RNF150: variants seen among roughly 807,000 people sequenced by gnomAD.
RNF150 encodes ring finger protein 150.
A neutral mutation model predicts 39.3 loss-of-function variants in RNF150; 24 were observed. The observed-to-expected ratio is 0.61, with a 90% confidence interval of 0.44 to 0.86. RNF150 has a LOEUF of 0.86. RNF150 is among the 40% of genes least tolerant of loss of function. The pLI, the probability that RNF150 is intolerant of heterozygous loss-of-function variation, is 0.00. For missense variants in RNF150, 502 were observed against 587.8 expected (o/e 0.85, Z 1.51); for synonymous variants, 255 against 227.3 (o/e 1.12, Z -1.10).
At chr4:140,960,991 G>A (rs1051720845) in intron 2 of RNF150, among the ~76,000 whole-genome samples, 3 of 152,098 alleles carry the variant, frequency 2.0e-5, no homozygotes, top group African/African-American at 7.2e-5. Flanking sequence ...ATAGAAAGGT[G>A]AAGTAACTTG....
At chr4:141,080,405 C>T (rs546854190) in intron 1 of RNF150, among the ~76,000 whole-genome samples, 1 of 152,354 alleles carries the variant, frequency 6.6e-6, no homozygotes, top group South Asian at 2.1e-4. Context: ...GTCACTGTGT[C>T]TTCCTCACCC....
chr4:141,153,358 C>T (rs557416380), intron 1 of RNF150, among the ~76,000 whole-genome samples: 46 of 152,192 alleles, frequency 3.0e-4, no homozygotes, highest in South Asian at 2.1e-3. Flanking sequence ...AATCCAGTTT[C>T]GCTGATGTCC....
intron 6 of RNF150, among the ~76,000 whole-genome samples, chr4:140,885,771 T>A: frequency 6.6e-6 from 1 of 151,826 alleles, no homozygotes. Context: ...CCCAGCCAAT[T>A]TTTATACTTT....
At chr4:140,921,200 A>C (rs1560968049) in intron 5 of RNF150, among the ~76,000 whole-genome samples, 2 of 150,712 alleles carry the variant, frequency 1.3e-5, no homozygotes, top group African/African-American at 4.9e-5. Context: ...AATAATAATA[A>C]TATAATTGAT....
chr4:141,120,695 T>C (rs1244202854), intron 1 of RNF150, among the ~76,000 whole-genome samples: 1 of 151,956 alleles, frequency 6.6e-6, no homozygotes, highest in East Asian at 1.9e-4. Flanking sequence ...CAAGAAGACA[T>C]GATGGGCTGG....
At chr4:141,149,386 C>T (rs1032033511) in intron 1 of RNF150, among the ~76,000 whole-genome samples, 5 of 151,884 alleles carry the variant, frequency 3.3e-5, no homozygotes, top group African/African-American at 1.2e-4. Context: ...CTCTTGCCCC[C>T]CTCCCACTCT....
intron 1 of RNF150, among the ~76,000 whole-genome samples, chr4:141,124,699 C>T (rs746954237): frequency 1.3e-5 from 2 of 152,042 alleles, no homozygotes; most frequent in Non-Finnish European, 2.9e-5. Context: ...TTTGCATTTT[C>T]AATAGTGTGT....
intron 2 of RNF150, among the ~76,000 whole-genome samples, chr4:140,955,123 T>C (rs572899280): frequency 4.2e-4 from 64 of 152,350 alleles, no homozygotes; most frequent in South Asian, 8.3e-4. Flanking sequence ...TCGTGCACTC[T>C]AATACATAAT....
At chr4:141,012,781 C>CAAAAAAAAA (rs397995597) in intron 1 of RNF150, among the ~76,000 whole-genome samples, 19,174 of 70,686 alleles carry the variant, frequency 0.27, 4,407 homozygotes, top group East Asian at 0.36. Context: ...GACTCTGTCT[C>CAAAAAAAAA]AAAAAAAAAA....
intron 1 of RNF150, among the ~76,000 whole-genome samples, chr4:141,110,237 A>T (rs1438603144): frequency 1.3e-5 from 2 of 152,268 alleles, no homozygotes; most frequent in Middle Eastern, 6.8e-3. Context: ...GCACTTGCTT[A>T]TGGGCCCAGA....
Position 141,025,348 on chromosome 4 carries a change from T to G in RNF150, c.485-57475A>C, listed in dbSNP as rs532577147. Among the ~76,000 whole-genome samples, 8 of 152,220 alleles carry G rather than the reference T, an allele frequency of 5.3e-5. No homozygotes were observed. The East Asian group carries it at 1.5e-3, about 29-fold the overall frequency. ...AGACTAAATTGTTACCTAAATCAAA[T>G]TTGAAGAGAAGATTACCGAGCAGGA... On this transcript the variant is annotated intron_variant, in intron 1 of 6. Coordinates refer to ENST00000515673, the MANE Select transcript of RNF150 (RefSeq NM_020724.2).
chr4:140,939,282 C>G (rs1731985094), intron 4 of RNF150, among the ~76,000 whole-genome samples: 1 of 152,182 alleles, frequency 6.6e-6, no homozygotes, highest in Non-Finnish European at 1.5e-5. Context: ...CACTTCATCT[C>G]TTTCAACACT....
intron 1 of RNF150, among the ~76,000 whole-genome samples, chr4:140,976,729 A>C (rs879649114): frequency 6.6e-6 from 1 of 150,934 alleles, no homozygotes; most frequent in Admixed American, 6.6e-5. Flanking sequence ...ACCATTATAA[A>C]CTCTTCTTAA....
rs3033126 is a variant in RNF150 at position 140,900,820 on chromosome 4, T to TTATATATATA, written c.1198+10314_1198+10323dup. On this transcript the variant is annotated intron_variant, in intron 6 of 6. Transcript: ENST00000515673. ...AGTGTCAGGCACCAAGCTAGGAACT[T>TTATATATATA]TATATATATATATATACATATCGAT... Among the ~76,000 whole-genome samples the TTATATATATA allele has an allele frequency of 1.0e-3, 155 of 150,820 alleles. 1 individual carries two copies. The highest frequency in any genetic ancestry group is 3.7e-3 in the African/African-American group (152 of 41,164).
intron 2 of RNF150, among the ~76,000 whole-genome samples, chr4:140,950,754 C>T (rs1215583846): frequency 6.6e-6 from 1 of 152,202 alleles, no homozygotes; most frequent in African/African-American, 2.4e-5. Flanking sequence ...AAGTACACAG[C>T]AGTTAAAGTC....
intron 1 of RNF150, among the ~76,000 whole-genome samples, chr4:141,183,940 T>C (rs983182638): frequency 1.3e-5 from 2 of 152,174 alleles, no homozygotes; most frequent in African/African-American, 2.4e-5. Flanking sequence ...CAAGTCTTTG[T>C]TATTGTAAAT....
chr4:141,041,132 C>CA (rs1736352105), intron 1 of RNF150, among the ~76,000 whole-genome samples: 1 of 152,026 alleles, frequency 6.6e-6, no homozygotes, highest in Admixed American at 6.6e-5. Context: ...AAGCCTACAG[C>CA]AAAAAACTGG....
chr4:140,909,417 C>G (rs1730510833), intron 6 of RNF150, among the ~76,000 whole-genome samples: 1 of 151,812 alleles, frequency 6.6e-6, no homozygotes. Flanking sequence ...TAAATATTGT[C>G]TCAATAGTTT....
chr4:141,052,809 T>G (rs1398420255), intron 1 of RNF150, among the ~76,000 whole-genome samples: 18 of 152,180 alleles, frequency 1.2e-4, no homozygotes, highest in Non-Finnish European at 4.4e-5. Flanking sequence ...GTTGGCAGAT[T>G]TCTCCATTTT....
Sources: gnomAD v4.1 joint callset for allele counts (sites outside exome capture counted in the v4.1 genomes callset) on GRCh38, gnomAD v4.1.1 for gene constraint, MANE v1.5 for transcripts, NCBI Gene and HGNC (gene_info 2026-07-23, HGNC 2026-07-21) for gene names.